ELL: variants seen among roughly 807,000 people sequenced by gnomAD.
ELL encodes the protein elongation factor for RNA polymerase II.
In ELL, 18 loss-of-function variants were observed where a neutral mutation model predicts 64.0. The observed-to-expected ratio is 0.28, with a 90% CI of 0.19 to 0.42. The LOEUF (loss-of-function observed/expected upper bound fraction) is 0.42, where lower values mean the gene tolerates loss of function less well. ELL is among the 10% of genes least tolerant of loss of function. The pLI is 1.00. For missense variants in ELL, 797 were observed against 870.4 expected (o/e 0.92, Z 1.06); for synonymous variants, 399 against 376.2 (o/e 1.06, Z -0.70).
At chr19:18,517,886 CAAAAAA>C (rs35771773) in intron 1 of ELL, among the ~76,000 whole-genome samples, 1 of 84,594 alleles carries the variant, frequency 1.2e-5, no homozygotes, top group Non-Finnish European at 2.4e-5. Flanking sequence ...GACCTTGTCT[CAAAAAA>C]AAAAAAAAAA....
chr19:18,474,501 C>T (rs764598544), intron 1 of ELL, among the ~76,000 whole-genome samples: 1 of 152,228 alleles, frequency 6.6e-6, no homozygotes, highest in Non-Finnish European at 1.5e-5. Context: ...CAGAAACTGC[C>T]CCATGCTTCT....
At chr19:18,508,149 G>A (rs1297672963) in intron 1 of ELL, among the ~76,000 whole-genome samples, 1 of 152,156 alleles carries the variant, frequency 6.6e-6, no homozygotes, top group Non-Finnish European at 1.5e-5. Flanking sequence ...GTTTGCATGA[G>A]ATCAAAATAG....
chr19:18,456,612 G>A (rs773672039), intron 6 of ELL, among the ~76,000 whole-genome samples: 6 of 152,160 alleles, frequency 3.9e-5, no homozygotes, highest in African/African-American at 1.2e-4. Flanking sequence ...CTTGGGCAGA[G>A]GAATCAGGAA....
chr19:18,491,246 C>T (rs1325279654), intron 1 of ELL, among the ~76,000 whole-genome samples: 2 of 127,260 alleles, frequency 1.6e-5, no homozygotes, highest in African/African-American at 2.9e-5. Context: ...CCACACCTGG[C>T]TAATTTTTTT....
rs5827416 is a variant in ELL, at chr19:18,518,504, A to AG, written c.135+3416dup. 6.0e-5 allele frequency among the ~76,000 whole-genome samples: 9 copies of AG among 149,722 alleles called. No individual in the cohort carries two copies. In the South Asian group the frequency reaches 1.3e-3, roughly 21 times the overall value. ...AACCCTGTCTCAAAAAAAAAAAAAAAGGGGGCCCAGCGTGGCGACTCAAGC... is the reference window on the plus strand; with the variant it reads ...AACCCTGTCTCAAAAAAAAAAAAAAAGGGGGGCCCAGCGTGGCGACTCAAGC... On this transcript the variant is annotated intron_variant, in intron 1 of 11. Transcript: ENST00000262809.
In ELL at chr19:18,443,121, G is replaced by A; in HGVS notation, c.*1631C>T. 1 of 232,594 alleles carries A rather than the reference G, an allele frequency of 4.3e-6. No homozygotes were observed. Among genetic ancestry groups the A allele is most frequent in the East Asian group, 6.1e-5 (1 of 16,516 alleles). 14.4% of individuals were successfully genotyped at this position (232,594 alleles called of 1,614,324 possible). ...AAATCATCCCACCTCACCGGTGTCT[G>A]CAGGGCTGCCTGCGGGCGACACAGC... On this transcript the variant is annotated 3_prime_UTR_variant, in exon 12 of 12. Coordinates refer to ENST00000262809, the MANE Select transcript of ELL (RefSeq NM_006532.4).
At chr19:18,485,795 G>T (rs1381610531) in intron 1 of ELL, among the ~76,000 whole-genome samples, 1 of 152,102 alleles carries the variant, frequency 6.6e-6, no homozygotes, top group Non-Finnish European at 1.5e-5. Flanking sequence ...GACCATCCTG[G>T]TTAACACGGT....
chr19:18,445,801 A>C (rs1436534152), intron 10 of ELL, among the ~76,000 whole-genome samples: 1 of 152,070 alleles, frequency 6.6e-6, no homozygotes. Context: ...CTGTATACAC[A>C]GGGCAGCTGA....
chr19:18,493,718 A>C (rs1438607495), intron 1 of ELL, among the ~76,000 whole-genome samples: 1 of 152,160 alleles, frequency 6.6e-6, no homozygotes, highest in African/African-American at 2.4e-5. Context: ...CTGCCCCAGA[A>C]GTGCCCAGCT....
At chr19:18,498,737 C>A (rs1037063993) in intron 1 of ELL, among the ~76,000 whole-genome samples, 2 of 152,112 alleles carry the variant, frequency 1.3e-5, no homozygotes, top group African/African-American at 4.8e-5. Context: ...ATCGCTTGAG[C>A]TCAGGAGTTC....
intron 1 of ELL, among the ~76,000 whole-genome samples, chr19:18,505,289 G>C (rs1037135032): frequency 1.6e-4 from 25 of 152,172 alleles, no homozygotes; most frequent in Non-Finnish European, 2.2e-4. Flanking sequence ...TTAGGCTCTT[G>C]TTAGGACTGA....
chr19:18,449,754 CA>C lies in ELL; in HGVS notation c.1465+722del. Among the ~76,000 whole-genome samples the C allele has an allele frequency of 6.6e-6, 1 of 152,228 alleles. No individual in the cohort carries two copies. The highest frequency in any genetic ancestry group is 2.1e-4 in the South Asian group (1 of 4,832). On this transcript the variant is annotated intron_variant, in intron 8 of 11. Coordinates refer to ENST00000262809, the MANE Select transcript of ELL (RefSeq NM_006532.4). This position sits in a 1 kb window ranked among gnomAD's most constrained non-coding sequence, Gnocchi z 4.4. ...CATGGGACCACTGCAGCCCCTGTCG[CA>C]CATGGTGGTGGAACAGCCGCTGCAC...
At position 18,508,967 on chromosome 19, in the gene ELL, A is replaced by G. The variant is rs557970466; in HGVS notation, c.135+12954T>C. 4.6e-5 allele frequency among the ~76,000 whole-genome samples: 7 copies of G among 152,296 alleles called. No homozygotes were observed. The East Asian group carries it at 1.4e-3, about 29-fold the overall frequency. On this transcript the variant is annotated intron_variant, in intron 1 of 11. Transcript: ENST00000262809. Reference sequence around the variant, plus strand: ...GCAAGCCTTGTTGTGGGGATAAGCAACTATAGCAGTGACCCTGGGCAGAGC... The same window carrying G: ...GCAAGCCTTGTTGTGGGGATAAGCAGCTATAGCAGTGACCCTGGGCAGAGC...
chr19:18,499,832 A>C (rs984443538), intron 1 of ELL, among the ~76,000 whole-genome samples: 1 of 152,220 alleles, frequency 6.6e-6, no homozygotes, highest in Non-Finnish European at 1.5e-5. Flanking sequence ...CTGATGGGAC[A>C]GGCCCCACAA....
chr19:18,472,675 G>C, intron 2 of ELL, 160 bp downstream of exon 2: 2 of 858,780 alleles, frequency 2.3e-6, no homozygotes, highest in Non-Finnish European at 1.8e-6. Flanking sequence ...TGTGGCCCCA[G>C]CCAAGGGGCT....
intron 1 of ELL, among the ~76,000 whole-genome samples, chr19:18,479,147 G>C (rs910060513): frequency 6.6e-6 from 1 of 152,130 alleles, no homozygotes; most frequent in Non-Finnish European, 1.5e-5. Context: ...GCAATGTCTG[G>C]AGCCATTTCT....
At position 18,465,938 on chromosome 19, in the gene ELL, G is replaced by T; in HGVS notation, c.184-20C>A. ...GATGTGCTGCGTGGAGGGGGAGGGG[G>T]TGTCACTGGGAGGTCCTCGGCAGGA... On this transcript the variant is annotated intron_variant, in intron 2 of 11. Coordinates refer to ENST00000262809, the MANE Select transcript of ELL (RefSeq NM_006532.4). The T allele has an allele frequency of 8.5e-6, 11 of 1,289,770 alleles. No individual in the cohort carries two copies. The highest frequency in any genetic ancestry group is 1.1e-5 in the Non-Finnish European group (11 of 1,012,242). The allele number at this position is 1,289,770 out of a possible 1,614,324, so 79.9% of individuals were successfully genotyped here. A position where few individuals can be genotyped will look rare whatever the true frequency, so the allele number is the denominator to read the frequency against.
chr19:18,452,967 AACGT>A (rs1974569932), intron 6 of ELL, among the ~76,000 whole-genome samples: 1 of 152,238 alleles, frequency 6.6e-6, no homozygotes, highest in Non-Finnish European at 1.5e-5. Flanking sequence ...GGGAGATGAA[AACGT>A]TAAAAAATAA....
intron 6 of ELL, among the ~76,000 whole-genome samples, chr19:18,455,351 C>T (rs1229966240): frequency 2.0e-5 from 3 of 150,388 alleles, no homozygotes; most frequent in Non-Finnish European, 4.4e-5. Context: ...ATTAGCCAGG[C>T]GTGGTGGCGG....
Sources: gnomAD v4.1 joint callset for allele counts (sites outside exome capture counted in the v4.1 genomes callset) on GRCh38, gnomAD v4.1.1 for gene constraint, Gnocchi (gnomAD v3.1) non-coding constraint, MANE v1.5 for transcripts, NCBI Gene and HGNC (gene_info 2026-07-23, HGNC 2026-07-21) for gene names.